The following RAMP1 variants were observed in gnomAD, a reference collection of about 807,000 sequenced individuals.
The protein encoded by RAMP1 is receptor activity modifying protein 1.
A neutral mutation model predicts 8.2 loss-of-function variants in RAMP1; 7 were observed. That is an observed-to-expected ratio of 0.85 (90% CI 0.49 to 1.60). The LOEUF (loss-of-function observed/expected upper bound fraction) is 1.60, where lower values mean the gene tolerates loss of function less well. RAMP1 is among the 40% of genes most tolerant of loss of function. RAMP1 has a pLI of 0.00. For synonymous variants in RAMP1, 92 were observed against 84.7 expected (o/e 1.09, Z -0.47); for missense variants, 192 against 202.4 (o/e 0.95, Z 0.31).
At chr2:237,883,330 G>A (rs1199635960) in intron 2 of RAMP1, among the ~76,000 whole-genome samples, 3 of 151,640 alleles carry the variant, frequency 2.0e-5, no homozygotes, top group Non-Finnish European at 2.9e-5. Context: ...TCCTATGAGC[G>A]ACGTAGACAA....
chr2:237,859,570 C>T (rs1326069103), upstream of RAMP1: 1 of 812,944 alleles, frequency 1.2e-6, no homozygotes, highest in Non-Finnish European at 1.5e-6. Context: ...ACCGCTCCCG[C>T]GCCCGCTCCC....
intron 2 of RAMP1, among the ~76,000 whole-genome samples, chr2:237,901,808 G>T (rs2062599833): frequency 6.6e-6 from 1 of 152,084 alleles, no homozygotes; most frequent in South Asian, 2.1e-4. Flanking sequence ...GGCTGCCCCT[G>T]ACTAAACTGG....
Position 237,911,630 on chromosome 2 carries a change from C to A in RAMP1, c.294C>A (p.Gly98=). 1 of 1,614,138 alleles carries A rather than the reference C, an allele frequency of 6.2e-7. No homozygotes were observed. Among genetic ancestry groups the A allele is most frequent in the Non-Finnish European group, 8.5e-7 (1 of 1,180,012 alleles). ...ACAGGTTCTTCCTGGCAGTGCATGGCCGCTACTTCAGGAGCTGCCCCATCT... is the reference window on the plus strand; with the variant it reads ...ACAGGTTCTTCCTGGCAGTGCATGGACGCTACTTCAGGAGCTGCCCCATCT... ...EVDRFFLAVH[G]RYFRSCPISG... is the part of the protein sequence containing the mutation. Residue 98 remains glycine (G), a synonymous_variant, in exon 3 of 3, where the codon GGC becomes GGA. Transcript: ENST00000254661.
At chr2:237,876,111 A>G (rs1341410035) in intron 1 of RAMP1, among the ~76,000 whole-genome samples, 1 of 152,132 alleles carries the variant, frequency 6.6e-6, no homozygotes, top group East Asian at 1.9e-4. Context: ...TGCCCGGCGC[A>G]TCGGGGCAGC....
intron 2 of RAMP1, among the ~76,000 whole-genome samples, chr2:237,893,552 C>T (rs1312448081): frequency 6.6e-6 from 1 of 152,214 alleles, no homozygotes. Flanking sequence ...TGCACTGTTT[C>T]CACCTGTACA....
chr2:237,878,036 T>C lies in RAMP1; in HGVS notation c.191+674T>C, dbSNP rs961682027. The stretch of plus-strand genomic sequence containing the variant: ...CCAGAGCGGCGATCAGAACTCGGCA[T>C]GTCCGCAATCGACTTTCAAGTCCTT... On this transcript the variant is annotated intron_variant, in intron 2 of 2. Coordinates refer to ENST00000254661, the MANE Select transcript of RAMP1 (RefSeq NM_005855.4). This position sits in a 1 kb window ranked among gnomAD's most constrained non-coding sequence, Gnocchi z 5.7. 7 of 985,458 alleles carry C rather than the reference T, an allele frequency of 7.1e-6. No homozygotes were observed. Among genetic ancestry groups the C allele is most frequent in the Non-Finnish European group, 8.4e-6 (7 of 829,934 alleles). The allele number at this position is 985,458 out of a possible 1,614,324, so 61.0% of individuals were successfully genotyped here.
chr2:237,910,757 TCACA>T (rs1251800287), intron 2 of RAMP1, among the ~76,000 whole-genome samples: 2 of 114,572 alleles, frequency 1.7e-5, no homozygotes, highest in African/African-American at 5.5e-5. Context: ...CAGAAAATAG[TCACA>T]CACACAGTCA....
At chr2:237,864,328 C>CGTAAGGCCT (rs964425545) in intron 1 of RAMP1, among the ~76,000 whole-genome samples, 8 of 140,580 alleles carry the variant, frequency 5.7e-5, no homozygotes, top group Admixed American at 3.4e-4. Flanking sequence ...GTGTTTGCTT[C>CGTAAGGCCT]GTAAGGCCTG....
Position 237,865,185 on chromosome 2 carries a change from A to T in RAMP1, c.52+5458A>T, listed in dbSNP as rs2062174208. ...CCAGTCCCTGGGCCTGGATGCAGGA[A>T]GTGAGGCAGCGCTGAGGAATGAAGA... On this transcript the variant is annotated intron_variant, in intron 1 of 2. Coordinates refer to ENST00000254661, the MANE Select transcript of RAMP1 (RefSeq NM_005855.4). The surrounding 1 kb of genome is among the most constrained non-coding windows in gnomAD (Gnocchi z 4.2). Among the ~76,000 whole-genome samples, 1 of 147,650 alleles carries T rather than the reference A, an allele frequency of 6.8e-6. No homozygotes were observed.
At chr2:237,860,024 G>T in intron 1 of RAMP1, 1 of 296,560 alleles carries the variant, frequency 3.4e-6, no homozygotes, top group East Asian at 5.5e-5. Context: ...CCTGCACACT[G>T]GAGAACTAGT....
At chr2:237,905,619 T>C (rs990765283) in intron 2 of RAMP1, among the ~76,000 whole-genome samples, 5 of 152,206 alleles carry the variant, frequency 3.3e-5, no homozygotes, top group Admixed American at 1.3e-4. Flanking sequence ...CAGGGGTCAG[T>C]GTTCAGGATC....
At chr2:237,911,004 TCA>T (rs904932836) in intron 2 of RAMP1, among the ~76,000 whole-genome samples, 14 of 149,558 alleles carry the variant, frequency 9.4e-5, no homozygotes, top group African/African-American at 2.0e-4. Context: ...CAGAAAATAG[TCA>T]CACACACGGT....
chr2:237,891,260 T>C (rs1368938228), intron 2 of RAMP1, among the ~76,000 whole-genome samples: 4 of 151,994 alleles, frequency 2.6e-5, no homozygotes, highest in Middle Eastern at 6.8e-3. Context: ...ACGCCATTCT[T>C]CTGCCTCAGA....
chr2:237,862,688 C>T lies in RAMP1; in HGVS notation c.52+2961C>T, dbSNP rs2062143868. ...CCCTCGGGCTTGCCTGCCAGTGCCC[C>T]TGCCAGTGCCCCCACCCCCAACTCA... On this transcript the variant is annotated intron_variant, in intron 1 of 2. Transcript: ENST00000254661. This position sits in a 1 kb window ranked among gnomAD's most constrained non-coding sequence, Gnocchi z 4.0. 6.6e-6 allele frequency among the ~76,000 whole-genome samples: 1 copy of T among 152,228 alleles called. No individual in the cohort carries two copies. Among genetic ancestry groups the T allele is most frequent in the Non-Finnish European group, 1.5e-5 (1 of 68,034 alleles).
chr2:237,888,427 A>T (rs2062457055), intron 2 of RAMP1, among the ~76,000 whole-genome samples: 1 of 152,246 alleles, frequency 6.6e-6, no homozygotes, highest in South Asian at 2.1e-4. Context: ...TATCAGCAAC[A>T]TATGAAAATG....
chr2:237,899,865 C>A (rs1393901864), intron 2 of RAMP1, among the ~76,000 whole-genome samples: 1 of 152,082 alleles, frequency 6.6e-6, no homozygotes, highest in African/African-American at 2.4e-5. Flanking sequence ...ATCGCTTGAG[C>A]CCAGGAGTTT....
At chr2:237,885,645 G>A (rs562763405) in intron 2 of RAMP1, among the ~76,000 whole-genome samples, 3 of 152,352 alleles carry the variant, frequency 2.0e-5, no homozygotes, top group South Asian at 2.1e-4. Flanking sequence ...ATCCAAAGGC[G>A]AGCATTGCCC....
chr2:237,875,247 T>G (rs1576538637), intron 1 of RAMP1, among the ~76,000 whole-genome samples: 1 of 151,794 alleles, frequency 6.6e-6, no homozygotes, highest in South Asian at 2.1e-4. Context: ...GCCCCCAGGG[T>G]GGGGGGTGCA....
rs150055263 is a variant in RAMP1, at chr2:237,911,593, A to G, written c.257A>G (p.Asn86Ser). ...MAEKLGCFWP[N>S]AEVDRFFLAV... Reference sequence around the variant, plus strand: ...GAGAAGCTGGGCTGCTTCTGGCCCAATGCAGAGGTGGACAGGTTCTTCCTG... The same window carrying G: ...GAGAAGCTGGGCTGCTTCTGGCCCAGTGCAGAGGTGGACAGGTTCTTCCTG... Residue 86 changes from asparagine to serine, a missense_variant, in exon 3 of 3, where the codon AAT (asparagine) becomes AGT (serine). By Grantham distance (46) the Asn-to-Ser change is conservative (BLOSUM62 1). Transcript: ENST00000254661. 40 of 1,614,022 alleles carry G rather than the reference A, an allele frequency of 2.5e-5. No individual in the cohort carries two copies. Among genetic ancestry groups the G allele is most frequent in the South Asian group, 5.5e-5 (5 of 91,090 alleles).
Sources: gnomAD v4.1 joint callset for allele counts (sites outside exome capture counted in the v4.1 genomes callset) on GRCh38, gnomAD v4.1.1 for gene constraint, Gnocchi (gnomAD v3.1) non-coding constraint, MANE v1.5 for transcripts, NCBI Gene and HGNC (gene_info 2026-07-23, HGNC 2026-07-21) for gene names.